ENPP6: variants seen among roughly 807,000 people sequenced by gnomAD.
ENPP6 encodes the protein ectonucleotide pyrophosphatase/phosphodiesterase 6.
Under a neutral mutation model 42.0 loss-of-function variants are expected in ENPP6, and 32 were observed. The observed-to-expected ratio is 0.76, with a 90% CI of 0.58 to 1.02. The LOEUF (loss-of-function observed/expected upper bound fraction) is 1.02, where lower values mean the gene tolerates loss of function less well. ENPP6 is among the 50% of genes least tolerant of loss of function. The pLI, the probability that ENPP6 is intolerant of heterozygous loss-of-function variation, is 0.00. For missense variants in ENPP6, 552 were observed against 566.8 expected, an observed-to-expected ratio of 0.97 and a Z score of 0.27; for synonymous variants, 213 against 216.0, an observed-to-expected ratio of 0.99 and a Z score of 0.12.
chr4:184,167,679 C>T (rs888699619), intron 1 of ENPP6, among the ~76,000 whole-genome samples: 2 of 152,174 alleles, frequency 1.3e-5, no homozygotes, highest in East Asian at 3.8e-4. Flanking sequence ...GAATATGTGA[C>T]GTAGGTATGA....
At chr4:184,200,660 C>T (rs760742461) in intron 1 of ENPP6, among the ~76,000 whole-genome samples, 1 of 152,224 alleles carries the variant, frequency 6.6e-6, no homozygotes, top group Non-Finnish European at 1.5e-5. Flanking sequence ...GAGAAGCCGG[C>T]TCCTCTGCCC....
intron 4 of ENPP6, among the ~76,000 whole-genome samples, chr4:184,117,385 A>C (rs1736338134): frequency 6.6e-6 from 1 of 152,248 alleles, no homozygotes; most frequent in Non-Finnish European, 1.5e-5. Flanking sequence ...ACAGGAAGGG[A>C]AAGCAAAGGT....
At chr4:184,199,219 C>T (rs974531124) in intron 1 of ENPP6, among the ~76,000 whole-genome samples, 1 of 152,234 alleles carries the variant, frequency 6.6e-6, no homozygotes. Flanking sequence ...GATGCCTTGA[C>T]GTGCCCCAGC....
chr4:184,210,020 A>G (rs1733082155), intron 1 of ENPP6, among the ~76,000 whole-genome samples: 1 of 150,434 alleles, frequency 6.6e-6, no homozygotes, highest in Admixed American at 6.6e-5. Context: ...AAAATACTTT[A>G]CAGACAAGCA....
chr4:184,199,080 G>T (rs533391311), intron 1 of ENPP6, among the ~76,000 whole-genome samples: 3 of 152,230 alleles, frequency 2.0e-5, no homozygotes, highest in Non-Finnish European at 4.4e-5. Flanking sequence ...AAGGGAACAC[G>T]CATGAATGGT....
At chr4:184,182,659 T>C (rs999781191) in intron 1 of ENPP6, among the ~76,000 whole-genome samples, 2 of 152,190 alleles carry the variant, frequency 1.3e-5, no homozygotes, top group Non-Finnish European at 2.9e-5. Context: ...ATATACACCA[T>C]GGAATACTAT....
intron 1 of ENPP6, among the ~76,000 whole-genome samples, chr4:184,189,552 C>T (rs1473180897): frequency 2.0e-5 from 3 of 152,120 alleles, no homozygotes; most frequent in Admixed American, 6.5e-5. Context: ...TGGCAGTGAA[C>T]GGGGCTCATG....
At chr4:184,137,441 T>A (rs1430848710) in intron 2 of ENPP6, among the ~76,000 whole-genome samples, 1 of 152,208 alleles carries the variant, frequency 6.6e-6, no homozygotes, top group Non-Finnish European at 1.5e-5. Context: ...CTCTCTTGGT[T>A]TTTCAGTCAG....
chr4:184,092,085 G>A (rs1735814396), intron 7 of ENPP6, among the ~76,000 whole-genome samples: 1 of 152,144 alleles, frequency 6.6e-6, no homozygotes, highest in Admixed American at 6.6e-5. Context: ...TAAATGCTAT[G>A]TCATTTTTCA....
intron 4 of ENPP6, 42 bp from the exon 5 acceptor site, chr4:184,117,077 A>G (rs757773661): frequency 1.2e-6 from 2 of 1,608,824 alleles, no homozygotes; most frequent in South Asian, 1.1e-5. Flanking sequence ...ACCAACAGAG[A>G]GGCTCGTGCA....
At chr4:184,115,025 G>T (rs1177073974) in intron 5 of ENPP6, among the ~76,000 whole-genome samples, 1 of 152,062 alleles carries the variant, frequency 6.6e-6, no homozygotes, top group Non-Finnish European at 1.5e-5. Context: ...AGGGCAGTAG[G>T]CTCCGTGAGT....
chr4:184,180,085 TG>T lies in ENPP6; in HGVS notation c.242-26353del, dbSNP rs1275563382. ...TCAAAAAATCAACGAATCCAGGAGC[TG>T]TTTTTTTGACAAAATTAATAAAATA... is the stretch of plus-strand genomic sequence containing the variant. On this transcript the variant is annotated intron_variant, in intron 1 of 7. Coordinates refer to ENST00000296741, the MANE Select transcript of ENPP6 (RefSeq NM_153343.4). 1.0e-4 allele frequency among the ~76,000 whole-genome samples: 7 copies of T among 68,826 alleles called. No individual in the cohort carries two copies. In the East Asian group the frequency reaches 7.0e-3, roughly 69 times the overall value. The allele number at this position is 68,826 out of a possible 152,430, so 45.2% of individuals were successfully genotyped here. A position where few individuals can be genotyped will look rare whatever the true frequency, so the allele number is the denominator to read the frequency against.
chr4:184,214,967 C>A (rs972843208), intron 1 of ENPP6, among the ~76,000 whole-genome samples: 5 of 152,186 alleles, frequency 3.3e-5, no homozygotes, highest in African/African-American at 1.2e-4. Flanking sequence ...ACTGCACGTT[C>A]TGCACATGTG....
intron 5 of ENPP6, 70 bp from the exon 6 acceptor site, chr4:184,112,879 G>A (rs1395533736): frequency 1.4e-6 from 2 of 1,464,358 alleles, no homozygotes; most frequent in African/African-American, 1.4e-5. Flanking sequence ...CTGGAGCTAG[G>A]GGAGAGGAGA....
In ENPP6 at chr4:184,134,613, C is replaced by T. The variant is rs1736700728; in HGVS notation, c.422-10341G>A. On this transcript the variant is annotated intron_variant, in intron 2 of 7. Coordinates refer to ENST00000296741, the MANE Select transcript of ENPP6 (RefSeq NM_153343.4). ...TTTTATTATTGGCTATTTGTGTCTT[C>T]TCTCTTTATTTCTTTATAAGCCTTG... 2.0e-5 allele frequency among the ~76,000 whole-genome samples: 3 copies of T among 151,894 alleles called. No homozygotes were observed. The South Asian group carries it at 6.2e-4, about 32-fold the overall frequency.
At chr4:184,148,594 C>T (rs1264094147) in intron 2 of ENPP6, among the ~76,000 whole-genome samples, 1 of 152,184 alleles carries the variant, frequency 6.6e-6, no homozygotes, top group East Asian at 1.9e-4. Context: ...TGTGAATTTG[C>T]AATCCTTTTC....
chr4:184,152,718 T>C (rs1318307299), intron 2 of ENPP6, among the ~76,000 whole-genome samples: 2 of 152,200 alleles, frequency 1.3e-5, no homozygotes, highest in Non-Finnish European at 2.9e-5. Context: ...TAATGAAAGA[T>C]ATTCAGTGAC....
intron 1 of ENPP6, among the ~76,000 whole-genome samples, chr4:184,170,929 C>T (rs1315499119): frequency 6.6e-6 from 1 of 152,154 alleles, no homozygotes; most frequent in African/African-American, 2.4e-5. Context: ...AATCCCTTCC[C>T]AGTAGAAGTG....
At chr4:184,190,134 T>C (rs778292953) in intron 1 of ENPP6, among the ~76,000 whole-genome samples, 16 of 152,112 alleles carry the variant, frequency 1.1e-4, no homozygotes, top group Admixed American at 2.0e-4. Context: ...TCTGAGAAAT[T>C]TTCCAGACTC....
Sources: allele counts gnomAD v4.1 joint callset (sites outside exome capture counted in the v4.1 genomes callset), GRCh38; gene constraint gnomAD v4.1.1; transcripts MANE v1.5; gene names NCBI Gene and HGNC (gene_info 2026-07-23, HGNC 2026-07-21).